DYSF: variants seen among roughly 807,000 people sequenced by gnomAD.
DYSF encodes the protein dysferlin.
Under a neutral mutation model 274.9 loss-of-function variants are expected in DYSF, and 212 were observed. The ratio of observed to expected loss-of-function variants is 0.77; its 90% CI spans 0.69 to 0.86. The LOEUF (loss-of-function observed/expected upper bound fraction) is 0.86, where lower values mean the gene tolerates loss of function less well. Ranked by LOEUF, DYSF falls within the 40% of genes least tolerant of loss-of-function variation. The pLI is 0.00. For synonymous variants in DYSF, 1,091 were observed against 1,078.7 expected, an observed-to-expected ratio of 1.01 and a Z score of -0.22; for missense variants, 2,666 against 2,783.2, an observed-to-expected ratio of 0.96 and a Z score of 0.95.
chr2:71,531,079 CT>C (rs147525013), intron 14 of DYSF, among the ~76,000 whole-genome samples: 7 of 149,376 alleles, frequency 4.7e-5, no homozygotes, highest in East Asian at 2.0e-4. Flanking sequence ...TTTAAAACAA[CT>C]TTTTTTTTTC....
intron 12 of DYSF, among the ~76,000 whole-genome samples, chr2:71,525,807 A>G (rs568691063): frequency 3.6e-4 from 55 of 152,212 alleles, no homozygotes; most frequent in African/African-American, 1.3e-3. Flanking sequence ...CCTAGTACTC[A>G]CTCAGTAGCT....
chr2:71,477,181 G>C (rs1021902521), intron 1 of DYSF, among the ~76,000 whole-genome samples: 1 of 152,122 alleles, frequency 6.6e-6, no homozygotes, highest in African/African-American at 2.4e-5. Flanking sequence ...GGAGCACTGG[G>C]ACAAAGCAGT....
intron 40 of DYSF, among the ~76,000 whole-genome samples, chr2:71,619,754 C>T (rs970772270): frequency 1.3e-5 from 2 of 152,186 alleles, no homozygotes; most frequent in East Asian, 3.9e-4. Context: ...TCTCACCTTG[C>T]CCACCTGCTA....
rs62145895 is a variant in DYSF, at chr2:71,596,066, T to G, written c.3575-2498T>G. 8.4e-3 allele frequency among the ~76,000 whole-genome samples: 1,270 copies of G among 150,890 alleles called. 9 individuals are homozygous for G. Among genetic ancestry groups the G allele is most frequent in the Middle Eastern group, 0.028 (8 of 286 alleles). On this transcript the variant is annotated intron_variant, in intron 32 of 55. Transcript: ENST00000410020. Reference sequence around the variant, plus strand: ...GGAGAGGCCAGGCCCCTGCACACAGTAGCCCAGTGTCTGAGGCCCCAGGCC... The same window carrying G: ...GGAGAGGCCAGGCCCCTGCACACAGGAGCCCAGTGTCTGAGGCCCCAGGCC...
chr2:71,612,800 G>A lies in DYSF; in HGVS notation c.4381G>A (p.Gly1461Ser), dbSNP rs570323556. Reference protein sequence around the residue: ...YSAESPSPQGGPDDVSLLSPG... With the variant: ...YSAESPSPQGSPDDVSLLSPG... ...GGCGGAGAGTCCATCCCCACAGGGT[G>A]GCCCAGGTAGGGGAAGGGGAGATGA... The change falls in exon 39 of 56, where the codon GGC becomes AGC. Residue 1461 changes from glycine to serine, a missense_variant. Gly to Ser is a moderately conservative substitution (Grantham distance 56). Coordinates refer to ENST00000410020, the MANE Select transcript of DYSF (RefSeq NM_001130987.2). The A allele has an allele frequency of 1.9e-6, 3 of 1,611,766 alleles. No homozygotes were observed. In the East Asian group the frequency reaches 6.7e-5, roughly 36 times the overall value.
chr2:71,639,469 T>C (rs2094455241), intron 41 of DYSF, among the ~76,000 whole-genome samples: 1 of 152,200 alleles, frequency 6.6e-6, no homozygotes, highest in Non-Finnish European at 1.5e-5. Context: ...CTTCTGGGGT[T>C]TAGTCCTTTT....
intron 1 of DYSF, among the ~76,000 whole-genome samples, chr2:71,473,343 T>G (rs2082170357): frequency 6.6e-6 from 1 of 152,212 alleles, no homozygotes; most frequent in African/African-American, 2.4e-5. Flanking sequence ...TTCTGTCACT[T>G]TCTTGGTCTT....
At chr2:71,496,794 A>G (rs1259387934) in intron 3 of DYSF, among the ~76,000 whole-genome samples, 3 of 152,202 alleles carry the variant, frequency 2.0e-5, no homozygotes, top group African/African-American at 7.2e-5. Flanking sequence ...TCAGAAATAC[A>G]AAAAACATAG....
chr2:71,494,776 C>T (rs2084209363), intron 3 of DYSF, among the ~76,000 whole-genome samples: 1 of 152,234 alleles, frequency 6.6e-6, no homozygotes, highest in Admixed American at 6.5e-5. Flanking sequence ...CTCTTCCATC[C>T]TTGATAGACA....
chr2:71,617,562 G>A (rs755779462), intron 40 of DYSF, among the ~76,000 whole-genome samples: 18 of 152,038 alleles, frequency 1.2e-4, no homozygotes, highest in Non-Finnish European at 2.5e-4. Flanking sequence ...ATGTATGAGT[G>A]TATGTGGTAG....
intron 52 of DYSF, among the ~76,000 whole-genome samples, chr2:71,677,383 C>G (rs2095239076): frequency 1.3e-5 from 2 of 152,116 alleles, no homozygotes; most frequent in African/African-American, 4.8e-5. Flanking sequence ...CTCTTAATCC[C>G]TTTGGCAACC....
chr2:71,460,155 C>G (rs2081226224), intron 1 of DYSF, among the ~76,000 whole-genome samples: 1 of 152,208 alleles, frequency 6.6e-6, no homozygotes. Flanking sequence ...TGGTAAGACT[C>G]TGACCCACAG....
intron 1 of DYSF, among the ~76,000 whole-genome samples, chr2:71,456,312 GA>G (rs1225597405): frequency 1.3e-5 from 2 of 152,152 alleles, no homozygotes; most frequent in Admixed American, 1.3e-4. Flanking sequence ...CAGTCCTGGG[GA>G]ATGCAGTCCC....
chr2:71,610,972 A>G (rs545674935), intron 36 of DYSF: 32 of 498,946 alleles, frequency 6.4e-5, no homozygotes, highest in African/African-American at 6.2e-4. Context: ...CAGAGCCTGC[A>G]TTATGGGAGG....
chr2:71,641,178 A>ATTTTTTTT (rs10683765), intron 41 of DYSF, among the ~76,000 whole-genome samples: 55 of 124,506 alleles, frequency 4.4e-4, no homozygotes, highest in African/African-American at 1.7e-3. Flanking sequence ...ATGTTTATCT[A>ATTTTTTTT]TTTTTTTTTT....
At chr2:71,627,591 A>T (rs889938101) in intron 41 of DYSF, among the ~76,000 whole-genome samples, 55 of 152,268 alleles carry the variant, frequency 3.6e-4, no homozygotes, top group African/African-American at 1.2e-3. Context: ...CATTTAGAAC[A>T]GGCTTGTTAA....
In DYSF at chr2:71,512,108, C is replaced by T. The variant is rs548209811; in HGVS notation, c.460+187C>T. Among the ~76,000 whole-genome samples, 4 of 152,354 alleles carry T rather than the reference C, an allele frequency of 2.6e-5. No homozygotes were observed. In the East Asian group the frequency reaches 7.7e-4, roughly 29 times the overall value. On this transcript the variant is annotated intron_variant, in intron 5 of 55. Coordinates refer to ENST00000410020, the MANE Select transcript of DYSF (RefSeq NM_001130987.2). ...GTCCTGAGGGCTGCCTTCTGCTGTG[C>T]AGAAAGAAGGGGCAGCAGGCACGTT...
intron 45 of DYSF, among the ~76,000 whole-genome samples, chr2:71,662,932 G>A (rs1442320693): frequency 1.3e-5 from 2 of 149,546 alleles, no homozygotes; most frequent in Non-Finnish European, 3.0e-5. Context: ...GTGCACGTAT[G>A]TGCATGTGTG....
chr2:71,534,326 G>C (rs1005291657), intron 14 of DYSF, among the ~76,000 whole-genome samples: 1 of 152,176 alleles, frequency 6.6e-6, no homozygotes, highest in African/African-American at 2.4e-5. Context: ...TGCTGCCCCC[G>C]TGTGTGGGTA....
Sources: gnomAD v4.1 joint callset for allele counts (sites outside exome capture counted in the v4.1 genomes callset) on GRCh38, gnomAD v4.1.1 for gene constraint, MANE v1.5 for transcripts, NCBI Gene and HGNC (gene_info 2026-07-23, HGNC 2026-07-21) for gene names.